DYNC1LI1: variants seen among roughly 807,000 people sequenced by gnomAD.
The protein encoded by DYNC1LI1 is cytoplasmic dynein 1 light intermediate chain 1.
In DYNC1LI1, 19 loss-of-function variants were observed where a neutral mutation model predicts 63.8. That is an observed-to-expected ratio of 0.30 (90% CI 0.21 to 0.44). The LOEUF is 0.44. Among genes scored for constraint, DYNC1LI1 ranks in the 20% least tolerant of loss-of-function variants. DYNC1LI1 has a pLI of 1.00. For missense variants in DYNC1LI1, 565 were observed against 630.2 expected (o/e 0.90, Z 1.11); for synonymous variants, 225 against 232.3 (o/e 0.97, Z 0.28).
intron 3 of DYNC1LI1, chr3:32,545,574 A>G (rs1237734719): frequency 7.2e-6 from 3 of 414,698 alleles, no homozygotes; most frequent in Admixed American, 4.3e-5. Flanking sequence ...AACAATCACT[A>G]TCTGAGGGAA....
rs374273040 is a variant in DYNC1LI1 at position 32,539,575 on chromosome 3, G to A, written c.738+1462C>T. ...ATTATTTTGAGATGGAGTCTCTGTC[G>A]CCCAGGCTGGAGTGCAGTGGCGCAA... On this transcript the variant is annotated intron_variant, in intron 5 of 12. Coordinates refer to ENST00000273130, the MANE Select transcript of DYNC1LI1 (RefSeq NM_016141.4). Among the ~76,000 whole-genome samples the A allele has an allele frequency of 5.4e-4, 82 of 151,764 alleles. 3 individuals carry two copies. The South Asian group carries it at 0.015, about 28-fold the overall frequency.
chr3:32,547,929 G>A (rs764651014), intron 2 of DYNC1LI1, among the ~76,000 whole-genome samples: 33 of 151,980 alleles, frequency 2.2e-4, no homozygotes, highest in Non-Finnish European at 4.4e-4. Context: ...ATGCACATAT[G>A]TACATAATAG....
chr3:32,531,564 G>T (rs1245509806), intron 8 of DYNC1LI1: 1 of 152,138 alleles, frequency 6.6e-6, no homozygotes. Flanking sequence ...GGCCTGAGGT[G>T]ATGCTCAATA....
chr3:32,552,696 C>T (rs1331500732), intron 2 of DYNC1LI1, among the ~76,000 whole-genome samples: 1 of 151,788 alleles, frequency 6.6e-6, no homozygotes, highest in Non-Finnish European at 1.5e-5. Context: ...TATACTTTTG[C>T]TGTTGTTGTT....
intron 5 of DYNC1LI1, among the ~76,000 whole-genome samples, chr3:32,538,048 A>AAATTTATATATATAAT (rs1553617967): frequency 1.1e-4 from 4 of 34,788 alleles, no homozygotes; most frequent in African/African-American, 5.5e-4. Context: ...TATATATATA[A>AAATTTATATATATAAT]TTATATATAT....
chr3:32,556,550 C>T (rs1455266662), intron 2 of DYNC1LI1, among the ~76,000 whole-genome samples: 1 of 151,968 alleles, frequency 6.6e-6, no homozygotes, highest in African/African-American at 2.4e-5. Flanking sequence ...CTTCTTGTTT[C>T]TCTGTTTTGT....
chr3:32,535,155 G>A (rs1383768289), intron 6 of DYNC1LI1, among the ~76,000 whole-genome samples: 2 of 152,206 alleles, frequency 1.3e-5, no homozygotes, highest in Admixed American at 1.3e-4. Flanking sequence ...GTTGAAAGGT[G>A]AGCCAGCAGG....
At chr3:32,568,043 A>G (rs1698292795) in intron 2 of DYNC1LI1, among the ~76,000 whole-genome samples, 1 of 151,562 alleles carries the variant, frequency 6.6e-6, no homozygotes, top group African/African-American at 2.4e-5. Context: ...TCACCATACT[A>G]CCCAGGCTGG....
chr3:32,570,565 G>A, intron 1 of DYNC1LI1, 60 bp downstream of exon 1: 1 of 1,530,268 alleles, frequency 6.5e-7, no homozygotes, highest in Non-Finnish European at 8.8e-7. Context: ...ACGGGATCCC[G>A]AGGCGTCCGC....
chr3:32,538,754 A>T (rs905103530), intron 5 of DYNC1LI1, among the ~76,000 whole-genome samples: 31 of 152,146 alleles, frequency 2.0e-4, no homozygotes, highest in African/African-American at 7.5e-4. Flanking sequence ...ACTTAAGACA[A>T]GAAACTTAGA....
At chr3:32,570,495 CGCCGGGGATGGGGCT>C in intron 1 of DYNC1LI1, 76 bp from the exon 2 acceptor site, 1 of 1,480,562 alleles carries the variant, frequency 6.8e-7, no homozygotes, top group Non-Finnish European at 9.0e-7. Context: ...GGCCTCGGCG[CGCCGGGGATGGGGCT>C]GCCGGGAACG....
At chr3:32,543,081 G>C (rs954009093) in intron 4 of DYNC1LI1, among the ~76,000 whole-genome samples, 1 of 152,124 alleles carries the variant, frequency 6.6e-6, no homozygotes, top group African/African-American at 2.4e-5. Context: ...AGGATGGGGA[G>C]TGAAAAATGT....
chr3:32,545,680 C>A (rs1418201713), intron 3 of DYNC1LI1, 169 bp downstream of exon 3: 2 of 630,562 alleles, frequency 3.2e-6, no homozygotes, highest in Non-Finnish European at 5.6e-6. Context: ...ATATATGAAT[C>A]CCAATCCCAA....
chr3:32,565,852 A>AC (rs1314876302), intron 2 of DYNC1LI1, among the ~76,000 whole-genome samples: 2 of 151,784 alleles, frequency 1.3e-5, no homozygotes, highest in Admixed American at 6.6e-5. Context: ...CAGGTGATCC[A>AC]CCCCCTCAGC....
Position 32,541,080 on chromosome 3 carries a change from A to C in DYNC1LI1, c.695T>G (p.Leu232Arg). 6.2e-7 allele frequency: 1 copy of C among 1,613,750 alleles called. No homozygotes were observed. Among genetic ancestry groups the C allele is most frequent in the Non-Finnish European group, 8.5e-7 (1 of 1,179,844 alleles). Residue 232 changes from leucine (L) to arginine (R), a missense_variant, in exon 5 of 13, where the codon CTT becomes CGT. Physicochemically the swap from Leu to Arg is moderately radical, Grantham distance 102 (BLOSUM62 -2). Coordinates refer to ENST00000273130, the MANE Select transcript of DYNC1LI1 (RefSeq NM_016141.4). ...SVVLPLGADT[L>R]THNLGIPVLV... is the part of the protein sequence containing the mutation. Reference sequence around the variant, plus strand: ...TACTGGAATGCCCAAGTTATGTGTAAGTGTATCCGCACCCAGAGGTAAAAC... The same window carrying C: ...TACTGGAATGCCCAAGTTATGTGTACGTGTATCCGCACCCAGAGGTAAAAC...
chr3:32,566,490 C>G (rs112280523), intron 2 of DYNC1LI1: 1 of 192,610 alleles, frequency 5.2e-6, no homozygotes, highest in African/African-American at 2.4e-5. Flanking sequence ...GTGGCTCACG[C>G]GGCACTTTGG....
At chr3:32,529,400 T>G in intron 11 of DYNC1LI1, 140 bp downstream of exon 11, 4 of 662,130 alleles carry the variant, frequency 6.0e-6, no homozygotes, top group Non-Finnish European at 6.8e-6. Flanking sequence ...TGGTTAACTA[T>G]GAGATTATAT....
At chr3:32,556,057 C>T (rs971235229) in intron 2 of DYNC1LI1, among the ~76,000 whole-genome samples, 2 of 152,338 alleles carry the variant, frequency 1.3e-5, no homozygotes, top group Middle Eastern at 3.4e-3. Context: ...GCCCATCTCT[C>T]ACCATGTCCC....
At chr3:32,561,938 T>A (rs1435800673) in intron 2 of DYNC1LI1, among the ~76,000 whole-genome samples, 1 of 151,722 alleles carries the variant, frequency 6.6e-6, no homozygotes, top group Admixed American at 6.6e-5. Context: ...ATAATATAAA[T>A]CATGATTTAT....
Sources: gnomAD v4.1 joint callset for allele counts (sites outside exome capture counted in the v4.1 genomes callset) on GRCh38, gnomAD v4.1.1 for gene constraint, MANE v1.5 for transcripts, NCBI Gene and HGNC (gene_info 2026-07-23, HGNC 2026-07-21) for gene names.